The following RBFOX1 variants were observed in gnomAD, a reference collection of about 807,000 sequenced individuals.
RBFOX1 encodes the protein RNA binding fox-1 homolog 1, also known as RNA binding protein fox-1 homolog 1.
RBFOX1 carries 8 observed loss-of-function variants against 57.7 expected under a neutral mutation model. The observed-to-expected ratio is 0.14, with a 90% CI of 0.08 to 0.25. RBFOX1 has a LOEUF of 0.25. Among genes scored for constraint, RBFOX1 ranks in the 10% least tolerant of loss-of-function variants. RBFOX1 has a pLI of 1.00. For synonymous variants in RBFOX1, 326 were observed against 222.4 expected, an observed-to-expected ratio of 1.47 and a Z score of -4.15; for missense variants, 611 against 548.5, an observed-to-expected ratio of 1.11 and a Z score of -1.14.
intron 3 of RBFOX1, among the ~76,000 whole-genome samples, chr16:6,763,616 G>T (rs2076936466): frequency 6.6e-6 from 1 of 152,150 alleles, no homozygotes; most frequent in South Asian, 2.1e-4. Flanking sequence ...TGCCTTTCCA[G>T]TGTCTCACCA....
intron 3 of RBFOX1, among the ~76,000 whole-genome samples, chr16:6,931,295 G>GTCGATCTA (rs1555640051): frequency 7.3e-5 from 10 of 136,158 alleles, no homozygotes; most frequent in African/African-American, 2.3e-4. Context: ...CTGTCTGTCT[G>GTCGATCTA]TCTATCTATC....
chr16:5,400,930 A>G (rs932386900), intron 1 of RBFOX1, among the ~76,000 whole-genome samples: 3 of 152,144 alleles, frequency 2.0e-5, no homozygotes, highest in African/African-American at 7.2e-5. Context: ...TGGGGCATTA[A>G]TATTTTTCTT....
rs74005081 is a variant in RBFOX1 at position 6,296,381 on chromosome 16, A to G, written c.-126-20614A>G. Among the ~76,000 whole-genome samples the G allele has an allele frequency of 6.0e-3, 905 of 151,208 alleles. 13 individuals are homozygous for G. The highest frequency in any genetic ancestry group is 0.021 in the African/African-American group (860 of 41,128). ...GGAAAATGGGTATAAAGGCAGTTTC[A>G]CCTCATAGGTGGCTGTTACGATTAA... On this transcript the variant is annotated intron_variant, in intron 1 of 15. Coordinates refer to ENST00000550418, the MANE Select transcript of RBFOX1 (RefSeq NM_018723.4).
chr16:6,235,981 C>T (rs970495748), intron 1 of RBFOX1, among the ~76,000 whole-genome samples: 2 of 152,014 alleles, frequency 1.3e-5, no homozygotes, highest in African/African-American at 4.8e-5. Flanking sequence ...TAACCAACCA[C>T]CTGTTCCCCA....
intron 4 of RBFOX1, among the ~76,000 whole-genome samples, chr16:7,180,482 C>T (rs1023148658): frequency 1.6e-4 from 24 of 152,102 alleles, no homozygotes; most frequent in African/African-American, 5.6e-4. Flanking sequence ...GTCTACACCA[C>T]GTTTATGCAC....
chr16:7,706,657 C>G (rs913999226), intron 14 of RBFOX1, among the ~76,000 whole-genome samples: 11 of 152,176 alleles, frequency 7.2e-5, no homozygotes, highest in Admixed American at 2.6e-4. Context: ...TTAACAAACT[C>G]TCAAGGATTT....
chr16:7,295,252 T>G (rs929993416), intron 4 of RBFOX1, among the ~76,000 whole-genome samples: 5 of 152,188 alleles, frequency 3.3e-5, no homozygotes, highest in Non-Finnish European at 7.3e-5. Context: ...TACATTTTTG[T>G]ATAGTGCCAT....
chr16:6,585,846 T>C (rs142190846), intron 2 of RBFOX1, among the ~76,000 whole-genome samples: 102 of 152,282 alleles, frequency 6.7e-4, no homozygotes, highest in African/African-American at 2.5e-3. Flanking sequence ...AAATGGATAA[T>C]TTTAAGGAAA....
At chr16:6,471,521 C>T (rs995782954) in intron 2 of RBFOX1, among the ~76,000 whole-genome samples, 5 of 151,402 alleles carry the variant, frequency 3.3e-5, no homozygotes, top group Non-Finnish European at 7.4e-5. Flanking sequence ...AGAATGACTC[C>T]ATCAATTATA....
intron 9 of RBFOX1, among the ~76,000 whole-genome samples, chr16:7,600,571 A>T (rs1240285654): frequency 1.3e-5 from 2 of 152,218 alleles, no homozygotes; most frequent in Non-Finnish European, 2.9e-5. Flanking sequence ...AGGTTCACTC[A>T]TTAGCTACAT....
At chr16:6,865,209 G>C (rs566171948) in intron 3 of RBFOX1, among the ~76,000 whole-genome samples, 9 of 151,694 alleles carry the variant, frequency 5.9e-5, no homozygotes, top group Admixed American at 5.9e-4. Flanking sequence ...TGCCATGTTG[G>C]CCAGGCTGGT....
intron 1 of RBFOX1, 54 bp downstream of exon 1, chr16:6,020,046 G>A: frequency 1.4e-6 from 2 of 1,398,826 alleles, no homozygotes; most frequent in African/African-American, 1.5e-5. Flanking sequence ...GGTGGGTCAG[G>A]TCCAGAAGGT....
intron 2 of RBFOX1, among the ~76,000 whole-genome samples, chr16:5,492,072 C>G (rs910781664): frequency 6.6e-6 from 1 of 152,156 alleles, no homozygotes; most frequent in African/African-American, 2.4e-5. Flanking sequence ...ACTGCACACT[C>G]TCGGGCTCTG....
chr16:6,156,279 C>A (rs997696990), intron 1 of RBFOX1, among the ~76,000 whole-genome samples: 11 of 152,220 alleles, frequency 7.2e-5, no homozygotes, highest in African/African-American at 2.7e-4. Flanking sequence ...TCCTGCTTCC[C>A]CCACAGCTAA....
intron 4 of RBFOX1, among the ~76,000 whole-genome samples, chr16:7,175,981 C>T (rs1052818851): frequency 2.0e-5 from 3 of 152,054 alleles, no homozygotes; most frequent in Admixed American, 6.5e-5. Flanking sequence ...ACTTAAGTAT[C>T]TGGGAGGTGC....
At chr16:7,539,056 A>C (rs923162181) in intron 5 of RBFOX1, among the ~76,000 whole-genome samples, 1 of 152,184 alleles carries the variant, frequency 6.6e-6, no homozygotes, top group Non-Finnish European at 1.5e-5. Context: ...GGCATTTGCT[A>C]TGTGCTATGT....
At chr16:7,696,224 G>T (rs766094712) in intron 14 of RBFOX1, among the ~76,000 whole-genome samples, 6 of 152,176 alleles carry the variant, frequency 3.9e-5, no homozygotes, top group Middle Eastern at 3.4e-3. Context: ...TTTTGTTTTG[G>T]TTTTTCCCAA....
At chr16:6,853,755 C>T (rs577459051) in intron 3 of RBFOX1, among the ~76,000 whole-genome samples, 5 of 152,192 alleles carry the variant, frequency 3.3e-5, no homozygotes, top group South Asian at 2.1e-4. Flanking sequence ...CCTCACTGTG[C>T]GTGGAGAGGA....
intron 4 of RBFOX1, among the ~76,000 whole-genome samples, chr16:7,189,970 C>A (rs896492839): frequency 1.3e-5 from 2 of 152,030 alleles, no homozygotes; most frequent in Non-Finnish European, 2.9e-5. Flanking sequence ...ATGTAGAGTT[C>A]TTCATTGAGC....
Sources: allele counts gnomAD v4.1 joint callset (sites outside exome capture counted in the v4.1 genomes callset), GRCh38; gene constraint gnomAD v4.1.1; transcripts MANE v1.5; gene names NCBI Gene and HGNC (gene_info 2026-07-23, HGNC 2026-07-21).